The following ADGRL2 variants were observed in gnomAD, a reference collection of about 807,000 sequenced individuals.
ADGRL2 encodes adhesion G protein-coupled receptor L2.
ADGRL2 carries 44 observed loss-of-function variants against 157.4 expected under a neutral mutation model. That is an observed-to-expected ratio of 0.28 (90% CI 0.22 to 0.36). The LOEUF (loss-of-function observed/expected upper bound fraction) is 0.36, where lower values mean the gene tolerates loss of function less well. ADGRL2 is among the 10% of genes least tolerant of loss of function. ADGRL2 has a pLI of 1.00. For missense variants in ADGRL2, 1,510 were observed against 1,768.9 expected, an observed-to-expected ratio of 0.85 and a Z score of 2.63; for synonymous variants, 585 against 624.7, an observed-to-expected ratio of 0.94 and a Z score of 0.95.
intron 3 of ADGRL2, among the ~76,000 whole-genome samples, chr1:81,924,756 C>G (rs941390385): frequency 6.6e-6 from 1 of 152,018 alleles, no homozygotes; most frequent in African/African-American, 2.4e-5. Context: ...AATTTCGCTA[C>G]TATAATTCCA....
chr1:81,665,557 C>T (rs182183880), intron 3 of ADGRL2, among the ~76,000 whole-genome samples: 108 of 152,240 alleles, frequency 7.1e-4, no homozygotes, highest in East Asian at 4.8e-3. Flanking sequence ...GGGTCTCCTA[C>T]CTCCATGGCT....
chr1:81,532,598 CAAA>C (rs556846085), intron 2 of ADGRL2, among the ~76,000 whole-genome samples: 7 of 124,312 alleles, frequency 5.6e-5, no homozygotes, highest in African/African-American at 8.7e-5. Flanking sequence ...ATCTGGAAAC[CAAA>C]AAAAAAAAAA....
chr1:81,842,085 C>A (rs976026509), intron 2 of ADGRL2, among the ~76,000 whole-genome samples: 2 of 151,858 alleles, frequency 1.3e-5, no homozygotes, highest in Admixed American at 1.3e-4. Context: ...TGTTGCTCAG[C>A]ATCACACTAT....
At chr1:81,541,719 G>C (rs895355184) in intron 2 of ADGRL2, among the ~76,000 whole-genome samples, 3 of 151,922 alleles carry the variant, frequency 2.0e-5, no homozygotes, top group Non-Finnish European at 2.9e-5. Flanking sequence ...GGAGGCTGAG[G>C]TGGGCAGATC....
chr1:81,361,547 G>A (rs1212995601), intron 1 of ADGRL2, among the ~76,000 whole-genome samples: 1 of 151,758 alleles, frequency 6.6e-6, no homozygotes, highest in Non-Finnish European at 1.5e-5. Flanking sequence ...ATAAATCCTG[G>A]TATCACAAAG....
intron 1 of ADGRL2, among the ~76,000 whole-genome samples, chr1:81,754,660 CCCTCCCTTCCTCCTTT>C (rs199651356): frequency 0.02 from 2,945 of 146,134 alleles, 92 homozygotes; most frequent in African/African-American, 0.07. Flanking sequence ...CTTCCTTCCT[CCCTCCCTTCCTCCTTT>C]CCTCCCTTCC....
At chr1:81,567,970 A>G (rs2080600028) in intron 2 of ADGRL2, among the ~76,000 whole-genome samples, 1 of 152,022 alleles carries the variant, frequency 6.6e-6, no homozygotes, top group African/African-American at 2.4e-5. Context: ...ACTTACATGT[A>G]TTGCATTACT....
chr1:81,374,310 C>A (rs566978008), intron 1 of ADGRL2, among the ~76,000 whole-genome samples: 1 of 138,636 alleles, frequency 7.2e-6, no homozygotes, highest in African/African-American at 3.1e-5. Flanking sequence ...GTGGCTCACG[C>A]CTATAAATCC....
chr1:81,485,825 A>G (rs531019987), intron 2 of ADGRL2, among the ~76,000 whole-genome samples: 1 of 152,100 alleles, frequency 6.6e-6, no homozygotes, highest in East Asian at 1.9e-4. Context: ...TTATCAATGA[A>G]TCATGTATAA....
At chr1:81,842,789 G>A (rs1295076153) in intron 2 of ADGRL2, among the ~76,000 whole-genome samples, 3 of 152,070 alleles carry the variant, frequency 2.0e-5, no homozygotes, top group African/African-American at 7.2e-5. Flanking sequence ...GTTTCAATTT[G>A]TCTCTTTCAC....
At chr1:81,833,259 CATA>C (rs1432817684) in intron 1 of ADGRL2, among the ~76,000 whole-genome samples, 1 of 152,170 alleles carries the variant, frequency 6.6e-6, no homozygotes, top group Non-Finnish European at 1.5e-5. Flanking sequence ...AGCATTAGTG[CATA>C]ATAACAAGGA....
At chr1:81,941,797 C>T (rs995152491) in intron 4 of ADGRL2, among the ~76,000 whole-genome samples, 1 of 151,630 alleles carries the variant, frequency 6.6e-6, no homozygotes, top group Non-Finnish European at 1.5e-5. Flanking sequence ...ATTTGTATTG[C>T]CTCCTTAATC....
intron 1 of ADGRL2, among the ~76,000 whole-genome samples, chr1:81,383,017 A>G (rs1253691043): frequency 6.6e-6 from 1 of 152,210 alleles, no homozygotes; most frequent in Non-Finnish European, 1.5e-5. Flanking sequence ...TTAAGCACAT[A>G]CAAGTCAGGC....
At chr1:81,802,219 C>G (rs1249318250) in intron 1 of ADGRL2, among the ~76,000 whole-genome samples, 3 of 152,034 alleles carry the variant, frequency 2.0e-5, no homozygotes, top group African/African-American at 7.2e-5. Context: ...GGGGCGCGCT[C>G]GCAGACGGAG....
At chr1:81,799,052 G>A (rs2087735898), upstream of ADGRL2, among the ~76,000 whole-genome samples, 1 of 152,076 alleles carries the variant, frequency 6.6e-6, no homozygotes, top group African/African-American at 2.4e-5. Context: ...ATATTCCTAA[G>A]AAGATCATAA....
At chr1:81,323,055 G>T (rs1271640094) in intron 1 of ADGRL2, among the ~76,000 whole-genome samples, 2 of 151,634 alleles carry the variant, frequency 1.3e-5, no homozygotes, top group Admixed American at 6.6e-5. Context: ...ACGGGGTTTC[G>T]CTATGTTGCC....
chr1:81,405,477 C>T (rs549341001), intron 1 of ADGRL2, among the ~76,000 whole-genome samples: 14 of 151,896 alleles, frequency 9.2e-5, no homozygotes, highest in East Asian at 7.8e-4. Context: ...AGACCAGATC[C>T]GGTCTCCATG....
At chr1:81,438,053 A>T (rs1273462220) in intron 1 of ADGRL2, among the ~76,000 whole-genome samples, 1 of 146,750 alleles carries the variant, frequency 6.8e-6, no homozygotes, top group African/African-American at 2.5e-5. Context: ...AAAAAAAAAA[A>T]GCTGTATCCA....
chr1:81,658,451 T>G (rs2082582400), intron 3 of ADGRL2, among the ~76,000 whole-genome samples: 5 of 152,156 alleles, frequency 3.3e-5, no homozygotes, highest in Admixed American at 3.3e-4. Flanking sequence ...GGAATAAGTG[T>G]ACTTTTGTTA....
Sources: gnomAD v4.1 joint callset for allele counts (sites outside exome capture counted in the v4.1 genomes callset) on GRCh38, gnomAD v4.1.1 for gene constraint, MANE v1.5 for transcripts, NCBI Gene and HGNC (gene_info 2026-07-23, HGNC 2026-07-21) for gene names.